The following LRMDA variants were observed in gnomAD, a reference collection of about 807,000 sequenced individuals.
LRMDA encodes leucine rich melanocyte differentiation associated, also known as leucine-rich melanocyte differentiation-associated protein.
LRMDA carries 18 observed loss-of-function variants against 29.8 expected under a neutral mutation model. The observed-to-expected ratio is 0.60, with a 90% CI of 0.42 to 0.90. LRMDA has a LOEUF of 0.90. Among genes scored for constraint, LRMDA ranks in the 40% least tolerant of loss-of-function variants. The pLI, the probability that LRMDA is intolerant of heterozygous loss-of-function variation, is 0.00. For missense variants in LRMDA, 273 were observed against 273.9 expected, an observed-to-expected ratio of 1.00 and a Z score of 0.02; for synonymous variants, 125 against 109.4, an observed-to-expected ratio of 1.14 and a Z score of -0.89.
intron 2 of LRMDA, among the ~76,000 whole-genome samples, chr10:75,595,696 A>G (rs367637629): frequency 6.6e-6 from 1 of 151,480 alleles, no homozygotes; most frequent in Non-Finnish European, 1.5e-5. Context: ...AGCAAATTAT[A>G]TGCTTTTAAA....
Position 75,937,702 on chromosome 10 carries a change from A to G in LRMDA, c.132-98306A>G, listed in dbSNP as rs189689928. Among the ~76,000 whole-genome samples, 14 of 152,308 alleles carry G rather than the reference A, an allele frequency of 9.2e-5. No individual in the cohort carries two copies. In the East Asian group the frequency reaches 1.5e-3, roughly 17 times the overall value. ...CTTGAATCTATAATGGTTTCTTACG[A>G]CTTCACTTCCACCTGGGGCTGCGGA... is the stretch of plus-strand genomic sequence containing the variant. On this transcript the variant is annotated intron_variant, in intron 2 of 6. Transcript: ENST00000611255.
At chr10:75,961,524 G>T (rs1846765759) in intron 2 of LRMDA, among the ~76,000 whole-genome samples, 1 of 152,222 alleles carries the variant, frequency 6.6e-6, no homozygotes, top group South Asian at 2.1e-4. Context: ...CATCACTTTG[G>T]CAAGAGGTTA....
chr10:76,222,653 CT>C (rs1589382404), intron 5 of LRMDA, among the ~76,000 whole-genome samples: 1 of 152,304 alleles, frequency 6.6e-6, no homozygotes, highest in Non-Finnish European at 1.5e-5. Context: ...AATAGGAACA[CT>C]TTTACACTGT....
chr10:75,767,523 T>G (rs1469223627), intron 2 of LRMDA, among the ~76,000 whole-genome samples: 4 of 152,208 alleles, frequency 2.6e-5, no homozygotes, highest in Non-Finnish European at 5.9e-5. Flanking sequence ...TTTTTTTCCC[T>G]TGAGTGAAAT....
intron 2 of LRMDA, among the ~76,000 whole-genome samples, chr10:75,944,109 C>T (rs887065272): frequency 1.3e-5 from 2 of 152,134 alleles, no homozygotes; most frequent in African/African-American, 4.8e-5. Flanking sequence ...TTTCTGGCAA[C>T]AAATTCTGTT....
intron 5 of LRMDA, among the ~76,000 whole-genome samples, chr10:76,161,437 C>A (rs566262037): frequency 2.6e-5 from 4 of 152,310 alleles, no homozygotes; most frequent in East Asian, 1.9e-4. Flanking sequence ...TGGTCACGTG[C>A]TAGAGCCGGT....
chr10:75,878,497 G>A (rs1488450950), intron 2 of LRMDA, among the ~76,000 whole-genome samples: 2 of 151,968 alleles, frequency 1.3e-5, no homozygotes, highest in Non-Finnish European at 2.9e-5. Context: ...CAAAGGCCTT[G>A]TGGTGTCTGC....
At chr10:76,450,848 C>T (rs931187360) in intron 6 of LRMDA, among the ~76,000 whole-genome samples, 1 of 152,124 alleles carries the variant, frequency 6.6e-6, no homozygotes, top group Non-Finnish European at 1.5e-5. Flanking sequence ...TTTACAGAGT[C>T]TGTTTTACAG....
At chr10:76,272,952 G>T (rs1320291555) in intron 5 of LRMDA, among the ~76,000 whole-genome samples, 1 of 152,096 alleles carries the variant, frequency 6.6e-6, no homozygotes, top group African/African-American at 2.4e-5. Flanking sequence ...ACCTCCCACC[G>T]GGTCCCTCCT....
At chr10:76,197,528 T>A (rs1851350783) in intron 5 of LRMDA, among the ~76,000 whole-genome samples, 1 of 152,146 alleles carries the variant, frequency 6.6e-6, no homozygotes, top group South Asian at 2.1e-4. Context: ...GGCGGTTGGT[T>A]GTGACACTAA....
chr10:76,415,677 C>T (rs565295951), intron 6 of LRMDA, among the ~76,000 whole-genome samples: 1 of 152,284 alleles, frequency 6.6e-6, no homozygotes, highest in East Asian at 1.9e-4. Flanking sequence ...CGATCCCATA[C>T]ACACTATCAT....
intron 2 of LRMDA, among the ~76,000 whole-genome samples, chr10:75,683,479 A>T (rs1482222835): frequency 6.6e-6 from 1 of 152,248 alleles, no homozygotes; most frequent in Non-Finnish European, 1.5e-5. Context: ...TCAGTACAGT[A>T]TTAAATTGTA....
intron 2 of LRMDA, among the ~76,000 whole-genome samples, chr10:75,522,052 C>T (rs137993896): frequency 2.5e-3 from 377 of 152,284 alleles, no homozygotes; most frequent in African/African-American, 8.1e-3. Flanking sequence ...AACTGTTTTA[C>T]TGGGCAGCAG....
At chr10:75,783,135 T>G in intron 2 of LRMDA, 1 of 1,272,880 alleles carries the variant, frequency 7.9e-7, no homozygotes, top group Non-Finnish European at 1.1e-6. Context: ...GCGAGATGAT[T>G]GATCTGCATA....
At chr10:75,517,379 G>T (rs1450214365) in intron 2 of LRMDA, among the ~76,000 whole-genome samples, 1 of 152,058 alleles carries the variant, frequency 6.6e-6, no homozygotes, top group Admixed American at 6.5e-5. Flanking sequence ...ATTTTGTTGA[G>T]CAGTGGTTTG....
intron 2 of LRMDA, among the ~76,000 whole-genome samples, chr10:75,559,494 C>G (rs1840261947): frequency 6.6e-6 from 1 of 151,480 alleles, no homozygotes; most frequent in Admixed American, 6.6e-5. Flanking sequence ...CCTGTTCACT[C>G]TGATGGTAGT....
At chr10:76,257,080 A>G (rs1852609057) in intron 5 of LRMDA, among the ~76,000 whole-genome samples, 1 of 152,324 alleles carries the variant, frequency 6.6e-6, no homozygotes, top group African/African-American at 2.4e-5. Context: ...GAAGTGTACT[A>G]TTTTGTCTTT....
At chr10:75,753,882 A>T (rs1238356698) in intron 2 of LRMDA, among the ~76,000 whole-genome samples, 2 of 152,204 alleles carry the variant, frequency 1.3e-5, no homozygotes, top group East Asian at 3.9e-4. Flanking sequence ...GCAGGCAGTA[A>T]AGATGGAAGG....
chr10:75,840,044 T>C lies in LRMDA; in HGVS notation c.132-195964T>C, dbSNP rs914315277. On this transcript the variant is annotated intron_variant, in intron 2 of 6. Transcript: ENST00000611255. ...TTATAATGACATGCTACAACTTGTTTGCTGACATCAGCTGGGTAGACACTT... is the reference window on the plus strand; with the variant it reads ...TTATAATGACATGCTACAACTTGTTCGCTGACATCAGCTGGGTAGACACTT... Among the ~76,000 whole-genome samples, 4 of 152,228 alleles carry C rather than the reference T, an allele frequency of 2.6e-5. No homozygotes were observed. The East Asian group carries it at 7.7e-4, about 29-fold the overall frequency.
Sources: gnomAD v4.1 joint callset for allele counts (sites outside exome capture counted in the v4.1 genomes callset) on GRCh38, gnomAD v4.1.1 for gene constraint, MANE v1.5 for transcripts, NCBI Gene and HGNC (gene_info 2026-07-23, HGNC 2026-07-21) for gene names.